PCDH9: variants seen among roughly 807,000 people sequenced by gnomAD.
PCDH9 encodes the protein protocadherin-9.
PCDH9 carries 24 observed loss-of-function variants against 70.6 expected under a neutral mutation model. That is an observed-to-expected ratio of 0.34 (90% CI 0.25 to 0.48). The LOEUF (loss-of-function observed/expected upper bound fraction) is 0.48. PCDH9 is among the 20% of genes least tolerant of loss of function. The probability of loss-of-function intolerance (pLI) is 0.99; values close to 1 mark genes in which losing one functional copy is unlikely to be tolerated. For synonymous variants in PCDH9, 562 were observed against 558.5 expected (o/e 1.01, Z -0.09); for missense variants, 1,281 against 1,503.6 (o/e 0.85, Z 2.45).
chr13:66,580,133 G>A (rs1467004085), intron 4 of PCDH9, among the ~76,000 whole-genome samples: 1 of 151,922 alleles, frequency 6.6e-6, no homozygotes, highest in African/African-American at 2.4e-5. Flanking sequence ...TTAATTAAAA[G>A]TTAATAAATA....
chr13:66,600,027 A>G (rs1364107109), intron 4 of PCDH9, among the ~76,000 whole-genome samples: 5 of 151,880 alleles, frequency 3.3e-5, no homozygotes, highest in African/African-American at 1.2e-4. Flanking sequence ...ATTTGAGACC[A>G]TATTTCATTG....
chr13:67,000,431 T>C (rs565637950), intron 2 of PCDH9, among the ~76,000 whole-genome samples: 207 of 151,720 alleles, frequency 1.4e-3, no homozygotes, highest in Admixed American at 2.8e-3. Context: ...TGTATACATA[T>C]GTAACTAACC....
intron 3 of PCDH9, among the ~76,000 whole-genome samples, chr13:66,811,114 A>G (rs972419259): frequency 2.6e-5 from 4 of 152,208 alleles, no homozygotes; most frequent in Admixed American, 2.0e-4. Flanking sequence ...TTTTCCTCAA[A>G]TTTGTTTACA....
chr13:67,032,343 T>C (rs1440181215), intron 2 of PCDH9, among the ~76,000 whole-genome samples: 1 of 152,008 alleles, frequency 6.6e-6, no homozygotes, highest in African/African-American at 2.4e-5. Context: ...TTTGCATTTT[T>C]TGTAGAAATG....
At chr13:66,366,409 T>G (rs1021802251) in intron 4 of PCDH9, among the ~76,000 whole-genome samples, 1 of 152,056 alleles carries the variant, frequency 6.6e-6, no homozygotes, top group African/African-American at 2.4e-5. Flanking sequence ...TCTGTTATTT[T>G]TCTCTTCTAG....
intron 4 of PCDH9, among the ~76,000 whole-genome samples, chr13:66,340,755 G>A (rs1027201663): frequency 3.9e-5 from 6 of 152,292 alleles, no homozygotes; most frequent in Middle Eastern, 3.4e-3. Context: ...GTTCTGCTCA[G>A]ATCGCCTACC....
chr13:66,315,127 C>G (rs1427717601), intron 4 of PCDH9, among the ~76,000 whole-genome samples: 2 of 152,156 alleles, frequency 1.3e-5, no homozygotes, highest in Non-Finnish European at 2.9e-5. Context: ...AGGGCAGCCC[C>G]CCACTGGGCA....
At chr13:67,158,981 G>T (rs555287385) in intron 2 of PCDH9, among the ~76,000 whole-genome samples, 14 of 152,198 alleles carry the variant, frequency 9.2e-5, no homozygotes, top group African/African-American at 3.1e-4. Flanking sequence ...ATGAGGTAGG[G>T]TATCACCCTA....
At chr13:67,149,268 T>C (rs1254069380) in intron 2 of PCDH9, among the ~76,000 whole-genome samples, 1 of 152,210 alleles carries the variant, frequency 6.6e-6, no homozygotes, top group Non-Finnish European at 1.5e-5. Flanking sequence ...AACAAAGACA[T>C]GGGCTCCTGT....
chr13:66,461,331 C>T (rs1370823494), intron 4 of PCDH9, among the ~76,000 whole-genome samples: 1 of 151,708 alleles, frequency 6.6e-6, no homozygotes, highest in Non-Finnish European at 1.5e-5. Context: ...ATTTCTTAAT[C>T]TTCAAGTTCC....
chr13:66,380,204 T>C (rs1956820828), intron 4 of PCDH9, among the ~76,000 whole-genome samples: 1 of 152,142 alleles, frequency 6.6e-6, no homozygotes, highest in Non-Finnish European at 1.5e-5. Context: ...GAGAAATATA[T>C]TGTGTTTTTT....
chr13:66,636,252 T>TA (rs2077635725), intron 3 of PCDH9, among the ~76,000 whole-genome samples: 1 of 152,172 alleles, frequency 6.6e-6, no homozygotes, highest in Non-Finnish European at 1.5e-5. Flanking sequence ...TTTAATTGTT[T>TA]ATCTTCATCA....
chr13:66,395,760 G>A (rs957833048), intron 4 of PCDH9, among the ~76,000 whole-genome samples: 1 of 152,108 alleles, frequency 6.6e-6, no homozygotes, highest in Non-Finnish European at 1.5e-5. Flanking sequence ...TTATGCACTT[G>A]ACAGGTATAG....
At chr13:66,549,536 T>A (rs1191470025) in intron 4 of PCDH9, among the ~76,000 whole-genome samples, 9 of 152,050 alleles carry the variant, frequency 5.9e-5, no homozygotes, top group South Asian at 2.1e-4. Flanking sequence ...CTTATTTTTT[T>A]TTAAAAAAAG....
Position 66,681,375 on chromosome 13 carries a change from CTT to C in PCDH9, c.3139-49966_3139-49965del, listed in dbSNP as rs376416770. ...TGTTTCCATTACATTGAAAAACTAA[CTT>C]GACCTAATTCAGTATTTTAGTTACA... On this transcript the variant is annotated intron_variant, in intron 3 of 4. Coordinates refer to ENST00000377865, the MANE Select transcript of PCDH9 (RefSeq NM_203487.3). Among the ~76,000 whole-genome samples the C allele has an allele frequency of 9.7e-4, 148 of 152,188 alleles. No individual in the cohort carries two copies. The Middle Eastern group carries it at 0.01, about 10-fold the overall frequency.
intron 3 of PCDH9, among the ~76,000 whole-genome samples, chr13:66,699,162 CG>C (rs2078604083): frequency 6.6e-6 from 1 of 152,054 alleles, no homozygotes; most frequent in East Asian, 1.9e-4. Context: ...GATCCTCCTT[CG>C]TTGGCCTCCC....
chr13:67,029,246 G>A (rs1459524991), intron 2 of PCDH9, among the ~76,000 whole-genome samples: 1 of 152,042 alleles, frequency 6.6e-6, no homozygotes, highest in Non-Finnish European at 1.5e-5. Flanking sequence ...CCTTACATGA[G>A]ATTTATATGT....
intron 4 of PCDH9, among the ~76,000 whole-genome samples, chr13:66,509,068 G>A (rs1006948555): frequency 1.3e-5 from 2 of 152,136 alleles, no homozygotes. Context: ...GTTGTATGTT[G>A]TATTAGACAG....
intron 2 of PCDH9, among the ~76,000 whole-genome samples, chr13:67,043,386 T>C (rs879914833): frequency 2.6e-5 from 4 of 152,016 alleles, no homozygotes; most frequent in Admixed American, 1.3e-4. Context: ...ATGTAGAAGT[T>C]TGAATAAGGA....
Sources: allele counts gnomAD v4.1 joint callset (sites outside exome capture counted in the v4.1 genomes callset), GRCh38; gene constraint gnomAD v4.1.1; transcripts MANE v1.5; gene names NCBI Gene and HGNC (gene_info 2026-07-23, HGNC 2026-07-21).